Variants in ADAMTS13 observed in about 807,000 individuals in gnomAD.
The protein encoded by ADAMTS13 is A disintegrin and metalloproteinase with thrombospondin motifs 13.
A neutral mutation model predicts 155.1 loss-of-function variants in ADAMTS13; 110 were observed. That is an observed-to-expected ratio of 0.71 (90% CI 0.61 to 0.83). The LOEUF (loss-of-function observed/expected upper bound fraction) is 0.83. ADAMTS13 is among the 40% of genes least tolerant of loss of function. ADAMTS13 has a pLI of 0.00. For missense variants in ADAMTS13, 1,707 were observed against 1,891.7 expected (o/e 0.90, Z 1.81); for synonymous variants, 758 against 756.4 (o/e 1.00, Z -0.03).
At chr9:133,427,009 G>A (rs2130789220) in intron 6 of ADAMTS13, among the ~76,000 whole-genome samples, 1 of 152,264 alleles carries the variant, frequency 6.6e-6, no homozygotes, top group African/African-American at 2.4e-5. Flanking sequence ...CTCCATGTTG[G>A]TCAGGCTGGT....
chr9:133,457,181 G>A (rs782295878), intron 27 of ADAMTS13: 3 of 239,808 alleles, frequency 1.3e-5, no homozygotes, highest in Non-Finnish European at 2.5e-5. Flanking sequence ...AGCCTTGCCC[G>A]TGGCCCCCTC....
intron 11 of ADAMTS13, 51 bp from the exon 12 acceptor site, chr9:133,436,778 A>AG: frequency 4.6e-6 from 2 of 433,950 alleles, no homozygotes; most frequent in Non-Finnish European, 4.6e-6. Context: ...CAGTGACAAC[A>AG]CCCGCCCCCC....
rs1554796125 is a variant in ADAMTS13 at position 133,456,641 on chromosome 9, A to G, written c.3646A>G (p.Arg1216Gly). Residue 1216 changes from arginine (R) to glycine (G), a missense_variant, in exon 27 of 29, where the codon AGG (arginine) becomes GGG (glycine). Arg to Gly is a moderately radical substitution (Grantham distance 125, BLOSUM62 -2). Coordinates refer to ENST00000355699, the MANE Select transcript of ADAMTS13 (RefSeq NM_139027.6). This position sits in a 1 kb window ranked among gnomAD's most constrained non-coding sequence, Gnocchi z 4.4. Reference sequence around the variant, plus strand: ...CTCCAAGACCAACACGCTGGTGGTGAGGCAGCGCTGCGGGCGGCCAGGAGG... The same window carrying G: ...CTCCAAGACCAACACGCTGGTGGTGGGGCAGCGCTGCGGGCGGCCAGGAGG... Reference protein sequence around the residue: ...FSSKTNTLVVRQRCGRPGGGV... With the variant: ...FSSKTNTLVVGQRCGRPGGGV... 1 of 1,609,996 alleles carries G rather than the reference A, an allele frequency of 6.2e-7. No individual in the cohort carries two copies. The highest frequency in any genetic ancestry group is 2.2e-5 in the East Asian group (1 of 44,804).
chr9:133,450,919 G>A lies in ADAMTS13; in HGVS notation c.3044+954G>A, dbSNP rs36222280. Among the ~76,000 whole-genome samples, 564 of 152,312 alleles carry A rather than the reference G, an allele frequency of 3.7e-3. 6 individuals carry two copies. Among genetic ancestry groups the A allele is most frequent in the African/African-American group, 0.013 (545 of 41,560 alleles). Reference sequence around the variant, plus strand: ...GGAGGCCTGGGGGACAGAGGAGGCAGCATTTGAGCAGAACCTAAAGCTGTG... The same window carrying A: ...GGAGGCCTGGGGGACAGAGGAGGCAACATTTGAGCAGAACCTAAAGCTGTG... On this transcript the variant is annotated intron_variant, in intron 23 of 28. Transcript: ENST00000355699.
rs1244426963 is a variant in ADAMTS13 at position 133,449,873 on chromosome 9, C to G, written c.2952C>G (p.Asp984Glu). 6.2e-7 allele frequency: 1 copy of G among 1,613,884 alleles called. No individual in the cohort carries two copies. Among genetic ancestry groups the G allele is most frequent in the Non-Finnish European group, 8.5e-7 (1 of 1,180,028 alleles). Residue 984 changes from aspartate to glutamate, a missense_variant, in exon 23 of 29, where the codon GAC becomes GAG. Coordinates refer to ENST00000355699, the MANE Select transcript of ADAMTS13 (RefSeq NM_139027.6). ...ATTGTGCCCGGGCCCATGGGGAGGA[C>G]GATGGTGAGGAGATCCTGTTGGACA... ...ILYCARAHGE[D>E]DGEEILLDTQ... is the part of the protein sequence containing the mutation.
chr9:133,422,473 C>T lies in ADAMTS13; in HGVS notation c.30C>T (p.Cys10=), dbSNP rs1008512385. Reference sequence around the variant, plus strand: ...ACCAGCGTCACCCCCGGGCAAGATGCCCTCCCCTCTGTGTGGCCGGAATCC... The same window carrying T: ...ACCAGCGTCACCCCCGGGCAAGATGTCCTCCCCTCTGTGTGGCCGGAATCC... MHQRHPRAR[C]PPLCVAGILA... Residue 10 remains cysteine, a synonymous_variant, in exon 1 of 29, where the codon TGC becomes TGT. Transcript: ENST00000355699. 1 of 1,614,018 alleles carries T rather than the reference C, an allele frequency of 6.2e-7. No individual in the cohort carries two copies. The highest frequency in any genetic ancestry group is 8.5e-7 in the Non-Finnish European group (1 of 1,180,034).
chr9:133,454,275 T>C (rs1842610511), intron 23 of ADAMTS13, 140 bp from the exon 24 acceptor site: 6 of 1,021,432 alleles, frequency 5.9e-6, no homozygotes, highest in Non-Finnish European at 8.9e-6. Context: ...AGGGGCTCAG[T>C]GGCTGCACTT....
At chr9:133,434,802 G>A (rs1841054293) in intron 11 of ADAMTS13, among the ~76,000 whole-genome samples, 4 of 152,136 alleles carry the variant, frequency 2.6e-5, no homozygotes, top group South Asian at 2.1e-4. Flanking sequence ...TTTCTCCTCC[G>A]CCACTCAGCG....
intron 24 of ADAMTS13, among the ~76,000 whole-genome samples, chr9:133,454,987 G>A (rs1842653688): frequency 6.6e-6 from 1 of 152,148 alleles, no homozygotes; most frequent in Non-Finnish European, 1.5e-5. Context: ...GGGGCATAGG[G>A]GCACAGCAGA....
rs963000194 is a variant in ADAMTS13 at position 133,445,106 on chromosome 9, G to A, written c.2610+54G>A. 49 of 1,570,004 alleles carry A rather than the reference G, an allele frequency of 3.1e-5. No homozygotes were observed. The highest frequency in any genetic ancestry group is 4.1e-5 in the Non-Finnish European group (47 of 1,158,778). On this transcript the variant is annotated intron_variant, in intron 20 of 28. Coordinates refer to ENST00000355699, the MANE Select transcript of ADAMTS13 (RefSeq NM_139027.6). The surrounding 1 kb of genome is among the most constrained non-coding windows in gnomAD (Gnocchi z 5.0). ...GGGCTGTTGAGTCCTTTACCTGGCT[G>A]GGAGAACGAGGAGCACCCATTGCCA...
chr9:133,424,310 TC>T lies in ADAMTS13; in HGVS notation c.173-6del. On this transcript the variant is annotated splice_polypyrimidine_tract_variant and intron_variant, in intron 2 of 28. Transcript: ENST00000355699. The surrounding 1 kb of genome is among the most constrained non-coding windows in gnomAD (Gnocchi z 4.3). ...GAACCATCGCCCTCTGCTCTCCCTCTCCCCCTCCAGGCCGCCCTCCTTCCCC... is the reference window on the plus strand; with the variant it reads ...GAACCATCGCCCTCTGCTCTCCCTCTCCCCTCCAGGCCGCCCTCCTTCCCC... 6.2e-7 allele frequency: 1 copy of T among 1,610,950 alleles called. No homozygotes were observed.
intron 23 of ADAMTS13, 111 bp from the exon 24 acceptor site, chr9:133,454,304 G>T: frequency 7.5e-7 from 1 of 1,333,390 alleles, no homozygotes; most frequent in South Asian, 1.2e-5. Context: ...GCCTGGCCAC[G>T]GAAGCTGTCT....
At position 133,448,595 on chromosome 9, in the gene ADAMTS13, G is replaced by T. The variant is rs1457409058; in HGVS notation, c.2732-4G>T. On this transcript the variant is annotated splice_region_variant and splice_polypyrimidine_tract_variant and intron_variant, in intron 21 of 28. Coordinates refer to ENST00000355699, the MANE Select transcript of ADAMTS13 (RefSeq NM_139027.6). Reference sequence around the variant, plus strand: ...GGCTCTGGGTCTCTGCTTTGTCCACGCAGGTCTGATGGAGCTGCGTTTCCT... The same window carrying T: ...GGCTCTGGGTCTCTGCTTTGTCCACTCAGGTCTGATGGAGCTGCGTTTCCT... The T allele has an allele frequency of 6.2e-7, 1 of 1,609,466 alleles. No individual in the cohort carries two copies. The highest frequency in any genetic ancestry group is 1.1e-5 in the South Asian group (1 of 91,032).
chr9:133,436,776 A>ACACC, intron 11 of ADAMTS13, 53 bp from the exon 12 acceptor site: 1 of 715,604 alleles, frequency 1.4e-6, no homozygotes, highest in Admixed American at 2.3e-5. Context: ...CCCAGTGACA[A>ACACC]CACCCGCCCC....
intron 11 of ADAMTS13, among the ~76,000 whole-genome samples, chr9:133,435,674 C>T (rs976032409): frequency 2.6e-5 from 4 of 151,160 alleles, no homozygotes; most frequent in Non-Finnish European, 5.9e-5. Flanking sequence ...GGACTACAGA[C>T]GCCCGCCACC....
At chr9:133,450,148 C>T (rs753286736) in intron 23 of ADAMTS13, among the ~76,000 whole-genome samples, 183 bp downstream of exon 23, 5 of 152,096 alleles carry the variant, frequency 3.3e-5, no homozygotes, top group South Asian at 4.2e-4. Flanking sequence ...AAAAACAAGA[C>T]GGGGCCAGGT....
chr9:133,428,579 C>T (rs1367433048), intron 6 of ADAMTS13, 55 bp from the exon 7 acceptor site: 1 of 502,306 alleles, frequency 2.0e-6, no homozygotes, highest in Non-Finnish European at 3.0e-6. Flanking sequence ...CCCGCCCCCA[C>T]CCCCGCCCCC....
intron 7 of ADAMTS13, 130 bp downstream of exon 7, chr9:133,428,901 C>G: frequency 9.3e-7 from 1 of 1,080,482 alleles, no homozygotes; most frequent in Non-Finnish European, 1.1e-6. Context: ...TCCGTCCAAC[C>G]CACCCCTCCG....
chr9:133,414,676 G>A, intron 1 of ADAMTS13: 1 of 1,613,824 alleles, frequency 6.2e-7, no homozygotes, highest in Non-Finnish European at 8.5e-7. Context: ...CGGTGGGTGG[G>A]GCTGGGGCTG....
Sources: allele counts gnomAD v4.1 joint callset (sites outside exome capture counted in the v4.1 genomes callset), GRCh38; gene constraint gnomAD v4.1.1; non-coding constraint Gnocchi (gnomAD v3.1); transcripts MANE v1.5; gene names NCBI Gene and HGNC (gene_info 2026-07-23, HGNC 2026-07-21).